The following UMAD1 variants were observed in gnomAD, a reference collection of about 807,000 sequenced individuals.
UMAD1 encodes UBAP1-MVB12-associated (UMA)-domain containing protein 1.
In UMAD1, 8 loss-of-function variants were observed where a neutral mutation model predicts 6.1. The ratio of observed to expected loss-of-function variants is 1.30; its 90% CI spans 0.76 to 2.35. The LOEUF is 2.35. Ranked by LOEUF, UMAD1 falls within the 30% of genes most tolerant of loss-of-function variation. UMAD1 has a pLI of 0.00. For missense variants in UMAD1, 130 were observed against 78.4 expected, an observed-to-expected ratio of 1.66 and a Z score of -2.49; for synonymous variants, 56 against 31.4, an observed-to-expected ratio of 1.78 and a Z score of -2.61.
chr7:7,801,120 G>A (rs538330626), intron 2 of UMAD1, among the ~76,000 whole-genome samples: 1 of 152,142 alleles, frequency 6.6e-6, no homozygotes, highest in Admixed American at 6.5e-5. Flanking sequence ...ACCCAGTCAG[G>A]CACTAGCCTT....
chr7:7,757,842 G>A (rs1318624032), intron 2 of UMAD1, among the ~76,000 whole-genome samples: 2 of 152,118 alleles, frequency 1.3e-5, no homozygotes, highest in Non-Finnish European at 2.9e-5. Context: ...CTAAGTCTTA[G>A]TTATGCTGTT....
intron 3 of UMAD1, among the ~76,000 whole-genome samples, chr7:7,804,492 A>G (rs543231571): frequency 2.0e-5 from 3 of 151,898 alleles, no homozygotes; most frequent in Admixed American, 6.6e-5. Context: ...GGGCAACATG[A>G]TGAAACCCCA....
chr7:7,806,580 T>C, intron 3 of UMAD1, among the ~76,000 whole-genome samples: 1 of 152,220 alleles, frequency 6.6e-6, no homozygotes. Context: ...TAAATTCTGT[T>C]TTCTACTTTA....
chr7:7,662,442 G>A (rs1785498124), intron 1 of UMAD1, among the ~76,000 whole-genome samples: 1 of 152,202 alleles, frequency 6.6e-6, no homozygotes, highest in South Asian at 2.1e-4. Flanking sequence ...GTCCGTGGTG[G>A]CATAGGCACC....
chr7:7,753,287 A>G lies in UMAD1; in HGVS notation c.83-48383A>G, dbSNP rs961419715. 2.0e-4 allele frequency among the ~76,000 whole-genome samples: 31 copies of G among 152,066 alleles called. 2 individuals carry two copies. The highest frequency in any genetic ancestry group is 1.0e-4 in the Non-Finnish European group (7 of 68,020). On this transcript the variant is annotated intron_variant, in intron 2 of 3. Coordinates refer to ENST00000682710, the MANE Select transcript of UMAD1 (RefSeq NM_001302348.2). ...CCTTTGTGTTACGAACAATTCAATAACTCTTTAGTTATTTTAAAATTTACA... is the reference window on the plus strand; with the variant it reads ...CCTTTGTGTTACGAACAATTCAATAGCTCTTTAGTTATTTTAAAATTTACA...
At chr7:7,704,326 T>C (rs1324285035) in intron 2 of UMAD1, among the ~76,000 whole-genome samples, 2 of 152,144 alleles carry the variant, frequency 1.3e-5, no homozygotes, top group Admixed American at 6.5e-5. Context: ...ATTTAAAATT[T>C]GTTTTGAAGT....
intron 2 of UMAD1, among the ~76,000 whole-genome samples, chr7:7,682,539 A>G (rs970987081): frequency 6.6e-6 from 1 of 152,180 alleles, no homozygotes; most frequent in Non-Finnish European, 1.5e-5. Context: ...ATTCTAAGGA[A>G]TGAGGGACAG....
At chr7:7,736,993 C>T (rs1297719071) in intron 2 of UMAD1, 1 of 152,348 alleles carries the variant, frequency 6.6e-6, no homozygotes, top group African/African-American at 2.4e-5. Flanking sequence ...ACTGCTTCTC[C>T]AGAAGCTGCC....
chr7:7,796,890 C>T (rs1782696090), intron 2 of UMAD1, among the ~76,000 whole-genome samples: 1 of 152,166 alleles, frequency 6.6e-6, no homozygotes, highest in African/African-American at 2.4e-5. Context: ...CCAAACTCCT[C>T]TGGGGAAAAG....
intron 2 of UMAD1, among the ~76,000 whole-genome samples, chr7:7,762,297 A>G (rs1399320980): frequency 1.3e-5 from 2 of 152,180 alleles, no homozygotes; most frequent in African/African-American, 2.4e-5. Flanking sequence ...CTTGGGAAGT[A>G]TGAAAAGTTA....
chr7:7,703,490 C>T (rs1171351940), intron 2 of UMAD1, among the ~76,000 whole-genome samples: 2 of 152,104 alleles, frequency 1.3e-5, no homozygotes, highest in Non-Finnish European at 1.5e-5. Flanking sequence ...GGATATAGCA[C>T]ATACACATAA....
chr7:7,654,092 T>C (rs1785287221), intron 1 of UMAD1, among the ~76,000 whole-genome samples: 1 of 152,202 alleles, frequency 6.6e-6, no homozygotes, highest in Admixed American at 6.5e-5. Flanking sequence ...TTATCACTGC[T>C]AGGCTACCCT....
intron 2 of UMAD1, among the ~76,000 whole-genome samples, chr7:7,790,183 C>G (rs1008124955): frequency 6.6e-6 from 1 of 152,120 alleles, no homozygotes; most frequent in African/African-American, 2.4e-5. Flanking sequence ...GATTCTTAGG[C>G]CTTTCACCAG....
intron 2 of UMAD1, among the ~76,000 whole-genome samples, chr7:7,698,002 C>A (rs929712426): frequency 1.3e-5 from 2 of 152,160 alleles, no homozygotes; most frequent in Admixed American, 6.5e-5. Flanking sequence ...CCCCACTACT[C>A]ATTTGATTGT....
chr7:7,866,067 G>A (rs1057031452), intron 3 of UMAD1, among the ~76,000 whole-genome samples: 5 of 152,214 alleles, frequency 3.3e-5, no homozygotes, highest in Non-Finnish European at 5.9e-5. Context: ...AGTTTATCAT[G>A]TTGGTGATAA....
chr7:7,658,860 G>A (rs756621776), intron 1 of UMAD1, among the ~76,000 whole-genome samples: 3 of 152,084 alleles, frequency 2.0e-5, no homozygotes, highest in Non-Finnish European at 4.4e-5. Context: ...CTATTGTTTG[G>A]AATAGTTTCA....
intron 2 of UMAD1, among the ~76,000 whole-genome samples, chr7:7,713,935 A>C (rs900582537): frequency 6.6e-6 from 1 of 152,062 alleles, no homozygotes; most frequent in African/African-American, 2.4e-5. Context: ...CCTAGTCTCA[A>C]GTGATCTTCC....
rs59221325 is a variant in UMAD1, at chr7:7,796,244, C to CTTTTTTTTTTTTTTTTTTTTTTTTT, written c.83-5402_83-5401insTTTTTTTTTTTTTTTTTTTTTTTTT. 6.9e-4 allele frequency among the ~76,000 whole-genome samples: 44 copies of CTTTTTTTTTTTTTTTTTTTTTTTTT among 63,948 alleles called. 7 individuals are homozygous for CTTTTTTTTTTTTTTTTTTTTTTTTT. The highest frequency in any genetic ancestry group is 3.5e-3 in the African/African-American group (36 of 10,242). 42.0% of individuals were successfully genotyped at this position (63,948 alleles called of 152,430 possible). Reference sequence around the variant, plus strand: ...ACTTTGACCCATTTCTATTTTCTTTCTTTTTTTTTTTTTTTTTTTTTTTTG... The same window carrying CTTTTTTTTTTTTTTTTTTTTTTTTT: ...ACTTTGACCCATTTCTATTTTCTTTCTTTTTTTTTTTTTTTTTTTTTTTTTTTTTTTTTTTTTTTTTTTTTTTTTG... On this transcript the variant is annotated intron_variant, in intron 2 of 3. Coordinates refer to ENST00000682710, the MANE Select transcript of UMAD1 (RefSeq NM_001302348.2).
chr7:7,778,801 T>C (rs1279291467), intron 2 of UMAD1, among the ~76,000 whole-genome samples: 1 of 152,198 alleles, frequency 6.6e-6, no homozygotes, highest in Non-Finnish European at 1.5e-5. Context: ...TCGTTACCTA[T>C]TGTGTTCTTT....
Sources: allele counts gnomAD v4.1 joint callset (sites outside exome capture counted in the v4.1 genomes callset), GRCh38; gene constraint gnomAD v4.1.1; transcripts MANE v1.5; gene names NCBI Gene and HGNC (gene_info 2026-07-23, HGNC 2026-07-21).